The following GRIP1 variants were observed in gnomAD, a reference collection of about 807,000 sequenced individuals.
The protein encoded by GRIP1 is glutamate receptor interacting protein 1, also known as glutamate receptor-interacting protein 1.
GRIP1 carries 45 observed loss-of-function variants against 129.9 expected under a neutral mutation model. The observed-to-expected ratio is 0.35, with a 90% CI of 0.27 to 0.44. The LOEUF is 0.44. Among genes scored for constraint, GRIP1 ranks in the 20% least tolerant of loss-of-function variants. The probability of loss-of-function intolerance (pLI) is 1.00; values close to 1 mark genes in which losing one functional copy is unlikely to be tolerated. For missense variants in GRIP1, 1,196 were observed against 1,396.8 expected, an observed-to-expected ratio of 0.86 and a Z score of 2.29; for synonymous variants, 530 against 520.8, an observed-to-expected ratio of 1.02 and a Z score of -0.24.
chr12:67,029,917 C>A (rs1397194641), intron 1 of GRIP1, among the ~76,000 whole-genome samples: 4 of 151,532 alleles, frequency 2.6e-5, no homozygotes. Context: ...TAAAAAAAAT[C>A]GGCCTGGCGC....
intron 16 of GRIP1, among the ~76,000 whole-genome samples, chr12:66,404,676 A>G (rs943431607): frequency 6.6e-6 from 1 of 152,202 alleles, no homozygotes; most frequent in Non-Finnish European, 1.5e-5. Flanking sequence ...TGAAATATGA[A>G]TGTAGTTGTT....
At chr12:66,918,638 T>C (rs991761296) in intron 1 of GRIP1, among the ~76,000 whole-genome samples, 2 of 152,140 alleles carry the variant, frequency 1.3e-5, no homozygotes, top group African/African-American at 4.8e-5. Context: ...AAAAACCATA[T>C]CAACAGGAAG....
At chr12:66,522,520 C>G (rs1404148464) in intron 5 of GRIP1, among the ~76,000 whole-genome samples, 1 of 152,092 alleles carries the variant, frequency 6.6e-6, no homozygotes, top group African/African-American at 2.4e-5. Context: ...ACATCCACAC[C>G]AAAAACACAT....
intron 1 of GRIP1, among the ~76,000 whole-genome samples, chr12:66,602,441 AAC>A (rs754839613): frequency 2.6e-5 from 4 of 152,188 alleles, no homozygotes; most frequent in Non-Finnish European, 4.4e-5. Flanking sequence ...TGATCCAAAT[AAC>A]CCTATTTTTC....
At chr12:66,683,565 T>A (rs2034666576), upstream of GRIP1, among the ~76,000 whole-genome samples, 1 of 152,202 alleles carries the variant, frequency 6.6e-6, no homozygotes, top group African/African-American at 2.4e-5. Flanking sequence ...CATTAGGACA[T>A]ACTCTTGCAA....
intron 1 of GRIP1, among the ~76,000 whole-genome samples, chr12:66,802,524 C>T (rs763437778): frequency 3.0e-4 from 45 of 152,254 alleles, no homozygotes; most frequent in Admixed American, 9.2e-4. Flanking sequence ...CTTGTCAAGA[C>T]ATTTTATAAA....
rs535480353 is a variant in GRIP1 at position 66,687,161 on chromosome 12, A to T, written c.-419-56825T>A. Among the ~76,000 whole-genome samples the T allele has an allele frequency of 3.3e-5, 5 of 152,336 alleles. No homozygotes were observed. In the East Asian group the frequency reaches 9.6e-4, roughly 29 times the overall value. On this transcript the variant is annotated intron_variant, in intron 1 of 4. Coordinates refer to the GRIP1 transcript ENST00000538373. ...ACGTTACTCCTTCAAATAAAACTGTACTGACAATATTTTAAGGTATCCTAT... is the reference window on the plus strand; with the variant it reads ...ACGTTACTCCTTCAAATAAAACTGTTCTGACAATATTTTAAGGTATCCTAT...
intron 1 of GRIP1, among the ~76,000 whole-genome samples, chr12:66,605,345 T>A (rs1471628633): frequency 2.6e-5 from 4 of 152,196 alleles, no homozygotes; most frequent in Non-Finnish European, 5.9e-5. Flanking sequence ...AGCTTTCTGT[T>A]AAATCAGGGC....
intron 1 of GRIP1, among the ~76,000 whole-genome samples, chr12:66,616,189 C>G (rs1264430289): frequency 6.6e-6 from 1 of 151,992 alleles, no homozygotes; most frequent in African/African-American, 2.4e-5. Flanking sequence ...CCCTTGAGTA[C>G]CTAGGGCATT....
chr12:66,884,922 GC>G (rs770028895), intron 1 of GRIP1, among the ~76,000 whole-genome samples: 3 of 152,152 alleles, frequency 2.0e-5, no homozygotes, highest in Non-Finnish European at 4.4e-5. Context: ...GAAAAAAGAA[GC>G]TTTTGCCCAC....
upstream of GRIP1, chr12:66,679,224 G>T: frequency 2.0e-6 from 2 of 980,328 alleles, no homozygotes; most frequent in Non-Finnish European, 2.7e-6. Flanking sequence ...TGTGTGAGGA[G>T]CCATTCCATA....
intron 1 of GRIP1, among the ~76,000 whole-genome samples, chr12:66,864,216 T>G (rs2036272448): frequency 6.7e-6 from 1 of 149,474 alleles, no homozygotes; most frequent in African/African-American, 2.5e-5. Flanking sequence ...TAAAATACTC[T>G]TCATGTCCTC....
At chr12:66,423,498 T>C (rs7398313) in intron 14 of GRIP1, among the ~76,000 whole-genome samples, 76,475 of 152,130 alleles carry the variant, frequency 0.5, 21,430 homozygotes, top group Non-Finnish European at 0.63. Flanking sequence ...TGAAAGCTTC[T>C]GAGTTTGTGA....
Position 66,463,019 on chromosome 12 carries a change from T to G in GRIP1, c.947A>C (p.Glu316Ala). 10 of 1,613,874 alleles carry G rather than the reference T, an allele frequency of 6.2e-6. No homozygotes were observed. The highest frequency in any genetic ancestry group is 8.5e-6 in the Non-Finnish European group (10 of 1,179,858). ...GTSMEYCTLA[E>A]ATQFLANTTD... The stretch of plus-strand genomic sequence containing the variant: ...GGTGTTGGCCAGGAACTGGGTTGCT[T>G]CTGCAAGTGTACAGTACTCCATGCT... The change falls in exon 9 of 25, where the codon GAA becomes GCA. Residue 316 changes from glutamate (E) to alanine (A), a missense_variant. By Grantham distance (107) the Glu-to-Ala change is moderately radical. This residue lies in a region of GRIP1 where 508 missense variants were observed against 587.0 expected (regional missense o/e 0.87). Coordinates refer to ENST00000359742, the MANE Select transcript of GRIP1 (RefSeq NM_001366722.1).
intron 1 of GRIP1, among the ~76,000 whole-genome samples, chr12:66,636,381 G>A (rs184138734): frequency 1.1e-4 from 17 of 152,236 alleles, no homozygotes; most frequent in Admixed American, 9.8e-4. Flanking sequence ...TCTGAACTAC[G>A]CACTTAAATA....
At chr12:66,739,737 C>CTAAAA (rs200164328) in intron 1 of GRIP1, among the ~76,000 whole-genome samples, 1 of 149,618 alleles carries the variant, frequency 6.7e-6, no homozygotes, top group African/African-American at 2.5e-5. Flanking sequence ...ATCCCAGAAC[C>CTAAAA]TAAAATAAAA....
chr12:67,013,195 C>T (rs1334062953), intron 1 of GRIP1, among the ~76,000 whole-genome samples: 1 of 152,066 alleles, frequency 6.6e-6, no homozygotes, highest in East Asian at 1.9e-4. Flanking sequence ...AATAGACTTG[C>T]CATTTCCATA....
intron 1 of GRIP1, among the ~76,000 whole-genome samples, chr12:66,617,645 T>G (rs2065100045): frequency 6.6e-6 from 1 of 152,010 alleles, no homozygotes; most frequent in Non-Finnish European, 1.5e-5. Flanking sequence ...TTTTAAGATA[T>G]TCCAAATCTG....
At chr12:66,444,257 C>T (rs1009499780) in intron 13 of GRIP1, among the ~76,000 whole-genome samples, 12 of 151,758 alleles carry the variant, frequency 7.9e-5, no homozygotes, top group Admixed American at 1.3e-4. Flanking sequence ...GAGGCCGAGG[C>T]GGGTGGATCA....
Sources: allele counts gnomAD v4.1 joint callset (sites outside exome capture counted in the v4.1 genomes callset), GRCh38; gene constraint gnomAD v4.1.1; regional missense constraint gnomAD v4.1.1; transcripts MANE v1.5; gene names NCBI Gene and HGNC (gene_info 2026-07-23, HGNC 2026-07-21).